Variants in ALDH1A1 observed in about 807,000 individuals in gnomAD.
ALDH1A1 encodes aldehyde dehydrogenase 1A1.
Under a neutral mutation model 62.1 loss-of-function variants are expected in ALDH1A1, and 19 were observed. The observed-to-expected ratio is 0.31, with a 90% CI of 0.21 to 0.45. The LOEUF (loss-of-function observed/expected upper bound fraction) is 0.45, where lower values mean the gene tolerates loss of function less well. Ranked by LOEUF, ALDH1A1 falls within the 20% of genes least tolerant of loss-of-function variation. ALDH1A1 has a pLI of 1.00. For missense variants in ALDH1A1, 521 were observed against 607.1 expected, an observed-to-expected ratio of 0.86 and a Z score of 1.49; for synonymous variants, 231 against 215.9, an observed-to-expected ratio of 1.07 and a Z score of -0.61.
In ALDH1A1 at chr9:72,925,484, C is replaced by T; in HGVS notation, c.633G>A (p.Glu211=). ...CATATTTTGATTTCGGGAGACTTAC[C>T]TCTTTTATTAAAGATGCCACGTGGA... ...TALHVASLIK[E]AGFPPGVVNI... The change falls in exon 6 of 13, where the codon GAG becomes GAA. Residue 211 remains glutamate, a splice_region_variant and synonymous_variant. Coordinates refer to ENST00000297785, the MANE Select transcript of ALDH1A1 (RefSeq NM_000689.5). The T allele has an allele frequency of 6.2e-7, 1 of 1,611,666 alleles. No homozygotes were observed. The highest frequency in any genetic ancestry group is 8.5e-7 in the Non-Finnish European group (1 of 1,179,280).
chr9:72,908,609 AAGAAAGAAAGAAAG>A (rs1564622920), intron 11 of ALDH1A1, among the ~76,000 whole-genome samples: 2 of 125,832 alleles, frequency 1.6e-5, no homozygotes, highest in Non-Finnish European at 3.6e-5. Flanking sequence ...GAAAGAAAGA[AAGAAAGAAAGAAAG>A]AAAGAGAATA....
intron 12 of ALDH1A1, among the ~76,000 whole-genome samples, chr9:72,901,486 T>G (rs938528154): frequency 3.3e-5 from 5 of 152,092 alleles, no homozygotes; most frequent in African/African-American, 1.2e-4. Context: ...AAAATTTTCT[T>G]TAAAACTTTC....
At chr9:72,937,836 ACTCT>A (rs1258240003) in intron 2 of ALDH1A1, among the ~76,000 whole-genome samples, 1 of 152,120 alleles carries the variant, frequency 6.6e-6, no homozygotes, top group East Asian at 1.9e-4. Context: ...GCTTTGGTGA[ACTCT>A]TCAGTATAAA....
At chr9:72,913,520 A>G (rs1332906719) in intron 9 of ALDH1A1, among the ~76,000 whole-genome samples, 1 of 152,178 alleles carries the variant, frequency 6.6e-6, no homozygotes, top group Non-Finnish European at 1.5e-5. Flanking sequence ...TTTCTGTCTT[A>G]TTGGAACATA....
At position 72,926,553 on chromosome 9, in the gene ALDH1A1, A is replaced by C. The variant is rs1163316966; in HGVS notation, c.504+563T>G. 5.3e-5 allele frequency among the ~76,000 whole-genome samples: 8 copies of C among 152,334 alleles called. No homozygotes were observed. The East Asian group carries it at 1.5e-3, about 29-fold the overall frequency. Reference sequence around the variant, plus strand: ...AAAAAGGCTACTTTCCTCTAAGAGTAATATGGAGGATCTGAGCCTCTTATC... The same window carrying C: ...AAAAAGGCTACTTTCCTCTAAGAGTCATATGGAGGATCTGAGCCTCTTATC... On this transcript the variant is annotated intron_variant, in intron 5 of 12. Transcript: ENST00000297785.
At chr9:72,951,105 G>A (rs1830539343) in intron 1 of ALDH1A1, among the ~76,000 whole-genome samples, 1 of 151,944 alleles carries the variant, frequency 6.6e-6, no homozygotes, top group Non-Finnish European at 1.5e-5. Flanking sequence ...CTTGTTTGGA[G>A]TATTTTTACC....
chr9:72,917,323 G>C (rs1407143488), intron 8 of ALDH1A1, among the ~76,000 whole-genome samples: 1 of 151,738 alleles, frequency 6.6e-6, no homozygotes, highest in African/African-American at 2.4e-5. Flanking sequence ...AAAAAATAGT[G>C]GTTACTATTA....
intron 12 of ALDH1A1, among the ~76,000 whole-genome samples, chr9:72,904,106 C>T (rs1829842774): frequency 6.6e-6 from 1 of 152,052 alleles, no homozygotes; most frequent in Non-Finnish European, 1.5e-5. Flanking sequence ...ATGTGAACAT[C>T]TCCACCAAAT....
intron 2 of ALDH1A1, among the ~76,000 whole-genome samples, chr9:72,931,399 A>G (rs1390892907): frequency 6.6e-6 from 1 of 152,246 alleles, no homozygotes; most frequent in Non-Finnish European, 1.5e-5. Flanking sequence ...AGATGAAGAA[A>G]CTAAAGCAAA....
At chr9:72,923,793 A>G in intron 7 of ALDH1A1, 2 of 326,628 alleles carry the variant, frequency 6.1e-6, no homozygotes, top group East Asian at 5.7e-5. Context: ...AGTAATGAAC[A>G]TACTAAAAAT....
At chr9:72,942,042 T>A (rs994122654) in intron 1 of ALDH1A1, among the ~76,000 whole-genome samples, 3 of 152,150 alleles carry the variant, frequency 2.0e-5, no homozygotes, top group Non-Finnish European at 4.4e-5. Flanking sequence ...ATTAACTGAA[T>A]ACAGATGAAG....
At chr9:72,904,218 T>C (rs185422589) in intron 12 of ALDH1A1, among the ~76,000 whole-genome samples, 10 of 152,218 alleles carry the variant, frequency 6.6e-5, no homozygotes, top group Admixed American at 6.5e-4. Flanking sequence ...ACTCCAGTAA[T>C]GTTTTCTCAG....
chr9:72,927,556 C>T (rs527799164), intron 4 of ALDH1A1, among the ~76,000 whole-genome samples: 2 of 152,212 alleles, frequency 1.3e-5, no homozygotes, highest in Non-Finnish European at 2.9e-5. Context: ...TCTTTATTCT[C>T]TAAGTGTTAT....
intron 9 of ALDH1A1, among the ~76,000 whole-genome samples, chr9:72,916,123 C>T (rs1051767781): frequency 5.3e-5 from 8 of 152,086 alleles, no homozygotes; most frequent in African/African-American, 1.7e-4. Context: ...GTAGAGCCAC[C>T]GCTTCTCACC....
rs556789349 is a variant in ALDH1A1, at chr9:72,927,201, C to G, written c.443-24G>C. The G allele has an allele frequency of 1.3e-5, 19 of 1,511,946 alleles. No individual in the cohort carries two copies. The African/African-American group carries it at 2.4e-4, about 19-fold the overall frequency. The allele number at this position is 1,511,946 out of a possible 1,614,324, so 93.7% of individuals were successfully genotyped here. The stretch of plus-strand genomic sequence containing the variant: ...ATCTGAAAAATAAAACACACACAAT[C>G]ATATATAAACAAATGTATTTGACAT... On this transcript the variant is annotated intron_variant, in intron 4 of 12. Transcript: ENST00000297785.
At chr9:72,912,871 G>A (rs564228452) in intron 9 of ALDH1A1, among the ~76,000 whole-genome samples, 2 of 152,294 alleles carry the variant, frequency 1.3e-5, no homozygotes, top group South Asian at 4.1e-4. Context: ...TGAACACCAG[G>A]AACACGTACC....
intron 10 of ALDH1A1, among the ~76,000 whole-genome samples, chr9:72,911,333 A>G (rs1347943318): frequency 6.6e-6 from 1 of 152,180 alleles, no homozygotes; most frequent in South Asian, 2.1e-4. Context: ...GGAACCAGAA[A>G]GTAGAACCTA....
intron 7 of ALDH1A1, 53 bp from the exon 8 acceptor site, chr9:72,918,875 G>T: frequency 7.4e-7 from 1 of 1,346,488 alleles, no homozygotes; most frequent in Non-Finnish European, 1.1e-6. Flanking sequence ...ATGAACACAG[G>T]TTGCTTTAGC....
At chr9:72,926,941 AC>A (rs1830219519) in intron 5 of ALDH1A1, 174 bp downstream of exon 5, 3 of 529,594 alleles carry the variant, frequency 5.7e-6, no homozygotes, top group South Asian at 6.6e-5. Context: ...TTTTCGGACT[AC>A]CTAATTCATA....
Sources: allele counts gnomAD v4.1 joint callset (sites outside exome capture counted in the v4.1 genomes callset), GRCh38; gene constraint gnomAD v4.1.1; transcripts MANE v1.5; gene names NCBI Gene and HGNC (gene_info 2026-07-23, HGNC 2026-07-21).